UBR3: variants seen among roughly 807,000 people sequenced by gnomAD.
The protein encoded by UBR3 is E3 ubiquitin-protein ligase UBR3.
UBR3 carries 85 observed loss-of-function variants against 243.2 expected under a neutral mutation model. The observed-to-expected ratio is 0.35, with a 90% CI of 0.29 to 0.42. The LOEUF is 0.42. Ranked by LOEUF, UBR3 falls within the 10% of genes least tolerant of loss-of-function variation. The probability of loss-of-function intolerance (pLI) is 1.00; values close to 1 mark genes in which losing one functional copy is unlikely to be tolerated. For synonymous variants in UBR3, 748 were observed against 799.8 expected (o/e 0.94, Z 1.09); for missense variants, 1,686 against 2,300.8 (o/e 0.73, Z 5.47).
At chr2:170,037,427 A>G (rs902264498) in intron 31 of UBR3, among the ~76,000 whole-genome samples, 14 of 151,782 alleles carry the variant, frequency 9.2e-5, no homozygotes, top group African/African-American at 3.1e-4. Context: ...TTGCTCTGTT[A>G]CCCAGGCTGG....
At chr2:169,883,469 G>C (rs186841260) in intron 5 of UBR3, among the ~76,000 whole-genome samples, 2 of 152,214 alleles carry the variant, frequency 1.3e-5, no homozygotes, top group African/African-American at 4.8e-5. Flanking sequence ...AGTTGCGAAA[G>C]TATGTCCAGA....
chr2:169,838,025 A>G (rs767243863), intron 1 of UBR3, among the ~76,000 whole-genome samples: 1 of 152,142 alleles, frequency 6.6e-6, no homozygotes, highest in Non-Finnish European at 1.5e-5. Context: ...GGATTTCCTT[A>G]TTATTAGTCT....
At chr2:170,067,632 G>A (rs1032763658) in intron 35 of UBR3, among the ~76,000 whole-genome samples, 1 of 152,094 alleles carries the variant, frequency 6.6e-6, no homozygotes, top group Non-Finnish European at 1.5e-5. Context: ...AATTTTCAAA[G>A]AAGTGAGTTA....
chr2:169,982,810 T>A (rs1444374907), intron 24 of UBR3, among the ~76,000 whole-genome samples: 1 of 152,138 alleles, frequency 6.6e-6, no homozygotes, highest in Admixed American at 6.5e-5. Flanking sequence ...CCCCCAAAAT[T>A]TAGTGATTTA....
At chr2:169,985,123 T>C (rs1343265041) in intron 24 of UBR3, among the ~76,000 whole-genome samples, 1 of 152,134 alleles carries the variant, frequency 6.6e-6, no homozygotes, top group Non-Finnish European at 1.5e-5. Context: ...GGTATCTCTG[T>C]GTTCTCCTTT....
chr2:170,018,943 T>C (rs1468873235), intron 30 of UBR3, among the ~76,000 whole-genome samples: 3 of 152,224 alleles, frequency 2.0e-5, no homozygotes, highest in African/African-American at 7.2e-5. Flanking sequence ...ATTCTCAGTG[T>C]ATTTCTCAAG....
intron 24 of UBR3, among the ~76,000 whole-genome samples, chr2:169,985,035 A>T (rs1415956828): frequency 6.6e-6 from 1 of 151,398 alleles, no homozygotes; most frequent in Non-Finnish European, 1.5e-5. Flanking sequence ...AAAGATCTTT[A>T]TGTGTGAGAT....
intron 1 of UBR3, among the ~76,000 whole-genome samples, chr2:169,856,541 G>C (rs915992818): frequency 2.0e-5 from 3 of 152,182 alleles, no homozygotes; most frequent in African/African-American, 7.2e-5. Flanking sequence ...AGCCTGGGCA[G>C]CATTGAGCAC....
At chr2:169,845,612 C>A (rs2082453754) in intron 1 of UBR3, among the ~76,000 whole-genome samples, 1 of 148,024 alleles carries the variant, frequency 6.8e-6, no homozygotes, top group African/African-American at 2.5e-5. Context: ...GAGATGGGGT[C>A]TCGCTCTGTC....
chr2:169,840,730 C>G (rs2082262954), intron 1 of UBR3, among the ~76,000 whole-genome samples: 1 of 152,160 alleles, frequency 6.6e-6, no homozygotes, highest in Non-Finnish European at 1.5e-5. Flanking sequence ...CTCTCTGGTA[C>G]ATCCTTGGAA....
chr2:169,942,893 A>G (rs1358132702), intron 20 of UBR3, among the ~76,000 whole-genome samples: 1 of 152,246 alleles, frequency 6.6e-6, no homozygotes, highest in Non-Finnish European at 1.5e-5. Context: ...TCTGTAGAAC[A>G]GTAAGTGAAA....
Position 170,077,515 on chromosome 2 carries a change from T to A in UBR3, c.5200-2299T>A, listed in dbSNP as rs115692151. The A allele has an allele frequency of 4.2e-4, 421 of 1,007,102 alleles. 1 individual carries two copies. The African/African-American group carries it at 6.2e-3, about 15-fold the overall frequency. 62.4% of individuals were successfully genotyped at this position (1,007,102 alleles called of 1,614,324 possible). ...GATGAATCTTCCATAGATAAGTAGT[T>A]TTCTTGTAAAGCCATCTCCAACAAA... On this transcript the variant is annotated intron_variant, in intron 36 of 38. Coordinates refer to ENST00000272793, the MANE Select transcript of UBR3 (RefSeq NM_172070.4).
At chr2:169,988,641 C>T (rs765930256) in intron 25 of UBR3, among the ~76,000 whole-genome samples, 7 of 151,766 alleles carry the variant, frequency 4.6e-5, no homozygotes, top group Non-Finnish European at 7.4e-5. Flanking sequence ...CCTGTCTCTA[C>T]AAAAAGTAAA....
At position 170,073,453 on chromosome 2, in the gene UBR3, C is replaced by T. The variant is rs770217477; in HGVS notation, c.5045C>T (p.Ala1682Val). Residue 1682 changes from alanine to valine, a missense_variant, in exon 36 of 39, where the codon GCC (alanine) becomes GTC (valine). Transcript: ENST00000272793. ...GAAGAAGAAGAATTTTCAGTTCTTG[C>T]CAGCTGCCTGGGACTTCTGCCAACG... The part of the protein sequence containing the change: ...CQEEEEFSVL[A>V]SCLGLLPTFY... 1.1e-5 allele frequency: 18 copies of T among 1,613,528 alleles called. No homozygotes were observed. Among genetic ancestry groups the T allele is most frequent in the Non-Finnish European group, 1.4e-5 (16 of 1,179,620 alleles).
intron 5 of UBR3, among the ~76,000 whole-genome samples, chr2:169,881,872 C>T (rs1482751467): frequency 6.2e-5 from 8 of 129,912 alleles, no homozygotes; most frequent in Middle Eastern, 6.0e-3. Flanking sequence ...TATATGTATA[C>T]ATATAGGTAT....
At chr2:169,891,628 A>ACACACACACACC (rs1412492323) in intron 6 of UBR3, among the ~76,000 whole-genome samples, 8 of 151,784 alleles carry the variant, frequency 5.3e-5, no homozygotes, top group Non-Finnish European at 1.2e-4. Flanking sequence ...ACACACACAC[A>ACACACACACACC]CACACACACA....
chr2:169,960,835 ATGCT>A (rs1191654833), intron 24 of UBR3, among the ~76,000 whole-genome samples: 1 of 152,064 alleles, frequency 6.6e-6, no homozygotes, highest in Non-Finnish European at 1.5e-5. Context: ...GACTTTTTGA[ATGCT>A]GTTGAGTACA....
chr2:170,064,105 GCAATTTCATATATT>G, intron 35 of UBR3, among the ~76,000 whole-genome samples: 1 of 152,134 alleles, frequency 6.6e-6, no homozygotes, highest in African/African-American at 2.4e-5. Flanking sequence ...AATTATAAAT[GCAATTTCATATATT>G]CATATACTTA....
intron 1 of UBR3, among the ~76,000 whole-genome samples, chr2:169,842,767 A>G (rs1454530444): frequency 2.6e-5 from 4 of 152,176 alleles, no homozygotes; most frequent in East Asian, 1.9e-4. Flanking sequence ...GACTCCAGAC[A>G]CGCCACCTTA....
Sources: gnomAD v4.1 joint callset for allele counts (sites outside exome capture counted in the v4.1 genomes callset) on GRCh38, gnomAD v4.1.1 for gene constraint, MANE v1.5 for transcripts, NCBI Gene and HGNC (gene_info 2026-07-23, HGNC 2026-07-21) for gene names.